PTPRT: variants seen among roughly 807,000 people sequenced by gnomAD.
The protein encoded by PTPRT is receptor-type tyrosine-protein phosphatase T.
Under a neutral mutation model 176.8 loss-of-function variants are expected in PTPRT, and 56 were observed. The observed-to-expected ratio is 0.32, with a 90% CI of 0.26 to 0.40. The LOEUF is 0.40. Among genes scored for constraint, PTPRT ranks in the 10% least tolerant of loss-of-function variants. The pLI, the probability that PTPRT is intolerant of heterozygous loss-of-function variation, is 1.00. For synonymous variants in PTPRT, 783 were observed against 739.0 expected (o/e 1.06, Z -0.96); for missense variants, 1,540 against 1,908.2 (o/e 0.81, Z 3.60).
chr20:42,510,242 C>T (rs1013881191), intron 7 of PTPRT, among the ~76,000 whole-genome samples: 2 of 151,988 alleles, frequency 1.3e-5, no homozygotes, highest in Non-Finnish European at 2.9e-5. Context: ...TTGAAAATGC[C>T]CCAGGAAGAA....
At chr20:42,560,456 C>T (rs1191009311) in intron 7 of PTPRT, among the ~76,000 whole-genome samples, 1 of 152,154 alleles carries the variant, frequency 6.6e-6, no homozygotes, top group Non-Finnish European at 1.5e-5. Context: ...CAAAGCATTC[C>T]TGGCATCTAC....
At chr20:42,665,851 C>A (rs1173112641) in intron 7 of PTPRT, among the ~76,000 whole-genome samples, 1 of 150,146 alleles carries the variant, frequency 6.7e-6, no homozygotes, top group African/African-American at 2.5e-5. Flanking sequence ...GGACAAAAAA[C>A]CAAACACCAC....
intron 1 of PTPRT, among the ~76,000 whole-genome samples, chr20:42,990,013 C>G (rs781511011): frequency 1.3e-5 from 2 of 152,184 alleles, no homozygotes; most frequent in Non-Finnish European, 2.9e-5. Context: ...TTCTTATAGG[C>G]TTGTCATTAT....
intron 2 of PTPRT, among the ~76,000 whole-genome samples, chr20:42,809,926 C>T (rs558689489): frequency 6.6e-6 from 1 of 152,226 alleles, no homozygotes; most frequent in African/African-American, 2.4e-5. Flanking sequence ...GTGATTCAAC[C>T]CCACTACAAC....
chr20:42,944,872 G>A (rs531966978), intron 1 of PTPRT, among the ~76,000 whole-genome samples: 1 of 152,176 alleles, frequency 6.6e-6, no homozygotes, highest in South Asian at 2.1e-4. Flanking sequence ...GCTTCATGAA[G>A]GCAAAGAATA....
chr20:42,146,632 A>G (rs752858032), intron 17 of PTPRT, among the ~76,000 whole-genome samples: 1 of 152,176 alleles, frequency 6.6e-6, no homozygotes, highest in Admixed American at 6.5e-5. Flanking sequence ...TGACTTTAAA[A>G]TATTTTCCCA....
intron 7 of PTPRT, among the ~76,000 whole-genome samples, chr20:42,555,845 A>G (rs992783092): frequency 3.9e-5 from 6 of 152,208 alleles, no homozygotes; most frequent in African/African-American, 1.4e-4. Flanking sequence ...GGAATGAGAA[A>G]ACATGTGGCG....
At chr20:42,359,582 G>A (rs980180079) in intron 9 of PTPRT, among the ~76,000 whole-genome samples, 3 of 152,226 alleles carry the variant, frequency 2.0e-5, no homozygotes, top group African/African-American at 7.2e-5. Context: ...CAGTCTTGCA[G>A]AGCCAGGGCT....
intron 7 of PTPRT, among the ~76,000 whole-genome samples, chr20:42,526,054 T>A (rs2072262863): frequency 6.6e-6 from 1 of 152,152 alleles, no homozygotes; most frequent in Non-Finnish European, 1.5e-5. Context: ...TATGTTTGCT[T>A]GTACACCAAA....
chr20:42,097,590 A>C (rs1265534690), intron 27 of PTPRT, among the ~76,000 whole-genome samples: 2 of 152,218 alleles, frequency 1.3e-5, no homozygotes, highest in Non-Finnish European at 2.9e-5. Flanking sequence ...CAATGTGCTC[A>C]TCTGTCTCTG....
At chr20:43,007,098 G>A (rs567341069) in intron 1 of PTPRT, among the ~76,000 whole-genome samples, 49 of 152,300 alleles carry the variant, frequency 3.2e-4, no homozygotes, top group African/African-American at 1.2e-3. Context: ...GAGACGATCA[G>A]AGCTCATGAG....
At chr20:42,123,788 C>T (rs1375185852) in intron 19 of PTPRT, among the ~76,000 whole-genome samples, 1 of 152,228 alleles carries the variant, frequency 6.6e-6, no homozygotes, top group East Asian at 1.9e-4. Context: ...GCTCAGTTGT[C>T]AATCACGTCT....
intron 1 of PTPRT, among the ~76,000 whole-genome samples, chr20:42,978,069 C>T (rs1450114207): frequency 3.9e-5 from 6 of 152,138 alleles, no homozygotes; most frequent in Admixed American, 6.5e-5. Flanking sequence ...ATACATACTA[C>T]GTTTTGTCCT....
chr20:42,703,868 C>T (rs561550618), intron 6 of PTPRT, among the ~76,000 whole-genome samples: 5 of 152,230 alleles, frequency 3.3e-5, no homozygotes, highest in African/African-American at 7.2e-5. Flanking sequence ...TCCTGTCATC[C>T]GGGGTTTGGT....
chr20:42,494,606 C>T (rs1322031966), intron 7 of PTPRT, among the ~76,000 whole-genome samples: 2 of 152,054 alleles, frequency 1.3e-5, no homozygotes, highest in African/African-American at 2.4e-5. Context: ...CCTTTATTCT[C>T]TTGGCACTTG....
intron 7 of PTPRT, among the ~76,000 whole-genome samples, chr20:42,476,397 G>T (rs2071289838): frequency 6.6e-6 from 1 of 152,270 alleles, no homozygotes; most frequent in Non-Finnish European, 1.5e-5. Flanking sequence ...CTCCAGCAAG[G>T]CCCTCAAAAT....
At chr20:42,754,225 G>A (rs1412868146) in intron 6 of PTPRT, among the ~76,000 whole-genome samples, 4 of 152,100 alleles carry the variant, frequency 2.6e-5, no homozygotes, top group Admixed American at 6.5e-5. Flanking sequence ...TCGCTCAGCC[G>A]CCCAGGCTGG....
At chr20:42,801,677 T>C (rs2077532975) in intron 2 of PTPRT, among the ~76,000 whole-genome samples, 1 of 152,038 alleles carries the variant, frequency 6.6e-6, no homozygotes, top group Non-Finnish European at 1.5e-5. Context: ...CAGACTTGAT[T>C]TGGGGGAAGA....
intron 1 of PTPRT, among the ~76,000 whole-genome samples, chr20:42,970,187 TC>T (rs1413519027): frequency 6.6e-6 from 1 of 152,192 alleles, no homozygotes; most frequent in Non-Finnish European, 1.5e-5. Flanking sequence ...GCCTTCTTAG[TC>T]GAGGTACAAG....
Sources: allele counts gnomAD v4.1 joint callset (sites outside exome capture counted in the v4.1 genomes callset), GRCh38; gene constraint gnomAD v4.1.1; transcripts MANE v1.5; gene names NCBI Gene and HGNC (gene_info 2026-07-23, HGNC 2026-07-21).